SH2D4B: variants seen among roughly 807,000 people sequenced by gnomAD.
SH2D4B encodes SH2 domain containing 4B.
SH2D4B carries 45 observed loss-of-function variants against 61.5 expected under a neutral mutation model. That is an observed-to-expected ratio of 0.73 (90% CI 0.58 to 0.94). SH2D4B has a LOEUF of 0.94. Among genes scored for constraint, SH2D4B ranks in the 40% least tolerant of loss-of-function variants. The pLI is 0.00. For missense variants in SH2D4B, 572 were observed against 574.2 expected (o/e 1.00, Z 0.04); for synonymous variants, 224 against 220.4 (o/e 1.02, Z -0.14).
rs60774703 is a variant in SH2D4B, at chr10:80,566,090, C to CAAAAAAAAA, written c.185-4044_185-4036dup. Among the ~76,000 whole-genome samples, 10 of 23,804 alleles carry CAAAAAAAAA rather than the reference C, an allele frequency of 4.2e-4. 1 individual carries two copies. Among genetic ancestry groups the CAAAAAAAAA allele is most frequent in the African/African-American group, 1.5e-3 (9 of 5,844 alleles). 15.6% of individuals were successfully genotyped at this position (23,804 alleles called of 152,430 possible). A position where few individuals can be genotyped will look rare whatever the true frequency, so the allele number is the denominator to read the frequency against. ...TGGGTGACAGAGCGAGACTCCGGCT[C>CAAAAAAAAA]AAAAAAAAAAAAAAAAAAAAAAAAA... is the stretch of plus-strand genomic sequence containing the variant. On this transcript the variant is annotated intron_variant, in intron 1 of 7. Coordinates refer to ENST00000646907, the MANE Select transcript of SH2D4B (RefSeq NM_001388272.1).
intron 6 of SH2D4B, among the ~76,000 whole-genome samples, chr10:80,622,940 G>A (rs1017778470): frequency 1.3e-5 from 2 of 152,130 alleles, no homozygotes; most frequent in Admixed American, 6.5e-5. Context: ...TATTGAGATG[G>A]AGTCTCACTC....
chr10:80,546,417 T>TC (rs1397344477), intron 1 of SH2D4B, among the ~76,000 whole-genome samples: 2 of 152,218 alleles, frequency 1.3e-5, no homozygotes, highest in East Asian at 3.8e-4. Context: ...CTACTTTTTT[T>TC]CTTTGCATTT....
chr10:80,608,370 G>A lies in SH2D4B; in HGVS notation c.861-1054G>A, dbSNP rs116000659. ...GCCAGACTGGTCTTGGCCTCCCAAA[G>A]TGCTGGGATTACAGGCGTGAGCCAC... On this transcript the variant is annotated intron_variant, in intron 5 of 7. Transcript: ENST00000646907. Among the ~76,000 whole-genome samples the A allele has an allele frequency of 4.5e-3, 692 of 152,276 alleles. 4 individuals carry two copies. The highest frequency in any genetic ancestry group is 0.016 in the African/African-American group (665 of 41,564).
chr10:80,554,066 A>G (rs967553334), intron 1 of SH2D4B, among the ~76,000 whole-genome samples: 1 of 152,242 alleles, frequency 6.6e-6, no homozygotes, highest in African/African-American at 2.4e-5. Flanking sequence ...AGTACTTGAT[A>G]AACATTAGCA....
chr10:80,583,799 T>C (rs1025524383), intron 3 of SH2D4B, among the ~76,000 whole-genome samples: 1 of 151,780 alleles, frequency 6.6e-6, no homozygotes. Context: ...AGAGAAGAAA[T>C]TATCAAAGAA....
At chr10:80,639,884 G>C (rs746181438) in intron 7 of SH2D4B, among the ~76,000 whole-genome samples, 1 of 152,146 alleles carries the variant, frequency 6.6e-6, no homozygotes, top group Non-Finnish European at 1.5e-5. Context: ...TCGTAGCATC[G>C]ATGGTCTTTA....
intron 6 of SH2D4B, among the ~76,000 whole-genome samples, chr10:80,613,017 A>G (rs1182603844): frequency 6.6e-6 from 1 of 152,202 alleles, no homozygotes; most frequent in East Asian, 1.9e-4. Flanking sequence ...TGTCCACCAT[A>G]AAAAGCCATG....
At chr10:80,622,174 A>G (rs1427758503) in intron 6 of SH2D4B, among the ~76,000 whole-genome samples, 1 of 151,414 alleles carries the variant, frequency 6.6e-6, no homozygotes, top group Non-Finnish European at 1.5e-5. Flanking sequence ...GACACAGGCT[A>G]TTTCTTATTA....
At chr10:80,559,696 G>A (rs1343485323) in intron 1 of SH2D4B, among the ~76,000 whole-genome samples, 2 of 146,824 alleles carry the variant, frequency 1.4e-5, no homozygotes, top group African/African-American at 2.6e-5. Context: ...ATAGTGTAGT[G>A]GTATGATCAT....
intron 1 of SH2D4B, among the ~76,000 whole-genome samples, chr10:80,553,571 G>A (rs1841790157): frequency 6.6e-6 from 1 of 152,198 alleles, no homozygotes; most frequent in African/African-American, 2.4e-5. Context: ...GGCCCCGGTG[G>A]GAGCTGTTCT....
chr10:80,578,762 T>C (rs1026776051), intron 3 of SH2D4B, among the ~76,000 whole-genome samples: 1 of 152,044 alleles, frequency 6.6e-6, no homozygotes, highest in Non-Finnish European at 1.5e-5. Flanking sequence ...GTGATTCAAG[T>C]GATGAGTTTT....
intron 5 of SH2D4B, 33 bp downstream of exon 5, chr10:80,603,828 G>A (rs1315909270): frequency 1.3e-6 from 2 of 1,587,844 alleles, no homozygotes; most frequent in Non-Finnish European, 1.7e-6. Flanking sequence ...TGTGGTTGGG[G>A]CAAGGGCCTT....
chr10:80,594,347 T>A (rs538054923), intron 4 of SH2D4B, among the ~76,000 whole-genome samples: 2 of 152,368 alleles, frequency 1.3e-5, no homozygotes, highest in African/African-American at 4.8e-5. Flanking sequence ...CACTTCTTTA[T>A]AGCATATAAT....
chr10:80,627,396 G>T (rs1842776898), intron 6 of SH2D4B, among the ~76,000 whole-genome samples: 1 of 152,058 alleles, frequency 6.6e-6, no homozygotes, highest in Non-Finnish European at 1.5e-5. Flanking sequence ...TACACCTCTG[G>T]CCATTGCCCA....
intron 5 of SH2D4B, 89 bp downstream of exon 5, chr10:80,603,884 A>G: frequency 1.7e-6 from 2 of 1,211,106 alleles, no homozygotes; most frequent in Non-Finnish European, 1.1e-6. Flanking sequence ...GGTCTGCCCC[A>G]GATTTGCTGT....
At chr10:80,600,948 C>G (rs1842446044) in intron 4 of SH2D4B, among the ~76,000 whole-genome samples, 1 of 152,162 alleles carries the variant, frequency 6.6e-6, no homozygotes, top group African/African-American at 2.4e-5. Flanking sequence ...CCCGGGGCAT[C>G]CTGACCTTGT....
intron 6 of SH2D4B, among the ~76,000 whole-genome samples, chr10:80,617,461 A>G (rs530718600): frequency 6.6e-6 from 1 of 152,326 alleles, no homozygotes; most frequent in East Asian, 1.9e-4. Flanking sequence ...TTACCTAGAC[A>G]GGGGCAAGAG....
chr10:80,628,935 C>G (rs907502417), intron 6 of SH2D4B, among the ~76,000 whole-genome samples: 5 of 151,136 alleles, frequency 3.3e-5, no homozygotes, highest in African/African-American at 9.8e-5. Context: ...GAGCCTGAGG[C>G]AGGAGAATTG....
At chr10:80,574,580 T>C (rs1432380836) in intron 3 of SH2D4B, among the ~76,000 whole-genome samples, 1 of 152,264 alleles carries the variant, frequency 6.6e-6, no homozygotes, top group Non-Finnish European at 1.5e-5. Flanking sequence ...TCAGTGAACC[T>C]GAGAGTCTGG....
Sources: allele counts gnomAD v4.1 joint callset (sites outside exome capture counted in the v4.1 genomes callset), GRCh38; gene constraint gnomAD v4.1.1; transcripts MANE v1.5; gene names NCBI Gene and HGNC (gene_info 2026-07-23, HGNC 2026-07-21).